The following F13A1 variants were observed in gnomAD, a reference collection of about 807,000 sequenced individuals.
F13A1 encodes the protein coagulation factor XIII A chain.
In F13A1, 47 loss-of-function variants were observed where a neutral mutation model predicts 80.1. The observed-to-expected ratio is 0.59, with a 90% confidence interval of 0.46 to 0.75. The LOEUF is 0.75. Ranked by LOEUF, F13A1 falls within the 30% of genes least tolerant of loss-of-function variation. F13A1 has a pLI of 0.00. For synonymous variants in F13A1, 349 were observed against 344.9 expected (o/e 1.01, Z -0.13); for missense variants, 817 against 930.4 (o/e 0.88, Z 1.59).
intron 14 of F13A1, 51 bp downstream of exon 14, chr6:6,151,761 AG>A: frequency 6.2e-7 from 1 of 1,612,114 alleles, no homozygotes; most frequent in East Asian, 2.2e-5. Context: ...ACACAGAGAA[AG>A]CTTCCCACAG....
chr6:6,263,375 T>A (rs934481656), intron 4 of F13A1, among the ~76,000 whole-genome samples: 4 of 152,232 alleles, frequency 2.6e-5, no homozygotes, highest in Non-Finnish European at 4.4e-5. Flanking sequence ...ATTCAACTAA[T>A]CATAGCATTA....
chr6:6,184,888 G>T (rs930485356), intron 10 of F13A1, among the ~76,000 whole-genome samples: 1 of 152,102 alleles, frequency 6.6e-6, no homozygotes, highest in African/African-American at 2.4e-5. Context: ...GGGATGTGGA[G>T]GGAAATTATT....
At chr6:6,245,751 A>G (rs982482955) in intron 6 of F13A1, among the ~76,000 whole-genome samples, 27 of 152,292 alleles carry the variant, frequency 1.8e-4, no homozygotes, top group Admixed American at 1.4e-3. Flanking sequence ...TGGTCTGCTC[A>G]TCCTCACTGT....
At chr6:6,178,053 G>T (rs966294595) in intron 11 of F13A1, among the ~76,000 whole-genome samples, 26 of 133,938 alleles carry the variant, frequency 1.9e-4, no homozygotes, top group Non-Finnish European at 3.0e-4. Context: ...GAGGGGGGGG[G>T]GGGTGGGGCT....
chr6:6,286,243 G>A (rs572469431), intron 3 of F13A1, among the ~76,000 whole-genome samples: 32 of 152,126 alleles, frequency 2.1e-4, no homozygotes, highest in Admixed American at 5.2e-4. Flanking sequence ...AAAATTAGCC[G>A]TGTGTTGTGG....
At chr6:6,281,764 C>T (rs536931570) in intron 3 of F13A1, among the ~76,000 whole-genome samples, 1 of 151,990 alleles carries the variant, frequency 6.6e-6, no homozygotes, top group African/African-American at 2.4e-5. Context: ...GAGGCCAAGG[C>T]AGGCAGATCA....
rs753688775 is a variant in F13A1, at chr6:6,195,888, G to T, written c.1217-3C>A. 1 of 1,613,920 alleles carries T rather than the reference G, an allele frequency of 6.2e-7. No homozygotes were observed. Among genetic ancestry groups the T allele is most frequent in the Non-Finnish European group, 8.5e-7 (1 of 1,179,846 alleles). On this transcript the variant is annotated splice_polypyrimidine_tract_variant and splice_region_variant and intron_variant, in intron 9 of 14. Coordinates refer to ENST00000264870, the MANE Select transcript of F13A1 (RefSeq NM_000129.4). ...GGCGGGGCCACACCGATACATGCCT[G>T]CATTGCACAGAGGAAGGGCGGTGTG...
At chr6:6,251,682 A>T (rs1486849205) in intron 4 of F13A1, among the ~76,000 whole-genome samples, 1 of 152,232 alleles carries the variant, frequency 6.6e-6, no homozygotes, top group Admixed American at 6.5e-5. Flanking sequence ...TGTTTGGGAC[A>T]GGCATCTAAG....
At chr6:6,206,659 G>GC (rs1467907926) in intron 8 of F13A1, 4 of 428,518 alleles carry the variant, frequency 9.3e-6, no homozygotes, top group African/African-American at 4.1e-5. Context: ...AAAGAGCAAT[G>GC]CCCCCTTCTT....
chr6:6,245,640 G>C (rs1218062289), intron 6 of F13A1, among the ~76,000 whole-genome samples: 1 of 152,152 alleles, frequency 6.6e-6, no homozygotes, highest in Non-Finnish European at 1.5e-5. Context: ...TGCTAGACTT[G>C]TCCTGGACCA....
chr6:6,193,562 C>T (rs1761238886), intron 10 of F13A1, among the ~76,000 whole-genome samples: 1 of 152,218 alleles, frequency 6.6e-6, no homozygotes, highest in Non-Finnish European at 1.5e-5. Context: ...CATGCCAAAG[C>T]AACAAATTGT....
intron 6 of F13A1, among the ~76,000 whole-genome samples, chr6:6,240,828 T>C (rs1237442315): frequency 6.6e-6 from 1 of 152,220 alleles, no homozygotes; most frequent in Admixed American, 6.5e-5. Flanking sequence ...GTACCTCTCA[T>C]TCATCATTGA....
intron 11 of F13A1, among the ~76,000 whole-genome samples, chr6:6,176,779 G>C (rs900524797): frequency 6.6e-6 from 1 of 152,224 alleles, no homozygotes; most frequent in African/African-American, 2.4e-5. Flanking sequence ...GATGCATTGA[G>C]GCAAAATGCA....
chr6:6,171,193 G>A (rs1760766099), intron 12 of F13A1, among the ~76,000 whole-genome samples: 1 of 152,314 alleles, frequency 6.6e-6, no homozygotes, highest in South Asian at 2.1e-4. Flanking sequence ...GGTAATGGGA[G>A]CACAAGGAAG....
intron 3 of F13A1, among the ~76,000 whole-genome samples, chr6:6,289,515 A>C (rs968389936): frequency 6.7e-6 from 1 of 149,364 alleles, no homozygotes; most frequent in Non-Finnish European, 1.5e-5. Flanking sequence ...GGGGAAAAAA[A>C]GGAGGGGAAA....
chr6:6,286,664 C>G (rs1054969258), intron 3 of F13A1, among the ~76,000 whole-genome samples: 1 of 152,136 alleles, frequency 6.6e-6, no homozygotes, highest in African/African-American at 2.4e-5. Context: ...CCTAGACGTG[C>G]ATCCACAGGA....
chr6:6,300,693 C>A (rs1214422591), intron 3 of F13A1, among the ~76,000 whole-genome samples: 1 of 152,142 alleles, frequency 6.6e-6, no homozygotes, highest in East Asian at 1.9e-4. Flanking sequence ...ATGCAGAAAT[C>A]ACTGTCTTCT....
intron 6 of F13A1, among the ~76,000 whole-genome samples, chr6:6,239,602 T>C (rs192107478): frequency 1.3e-4 from 20 of 152,254 alleles, no homozygotes; most frequent in Middle Eastern, 3.4e-3. Context: ...TCATGATAAC[T>C]ATGACCACAG....
intron 3 of F13A1, among the ~76,000 whole-genome samples, chr6:6,276,969 G>T (rs1376212959): frequency 6.6e-6 from 1 of 152,014 alleles, no homozygotes; most frequent in Non-Finnish European, 1.5e-5. Context: ...CTCTTTCTTG[G>T]CTAAGGGGAC....
Sources: gnomAD v4.1 joint callset for allele counts (sites outside exome capture counted in the v4.1 genomes callset) on GRCh38, gnomAD v4.1.1 for gene constraint, MANE v1.5 for transcripts, NCBI Gene and HGNC (gene_info 2026-07-23, HGNC 2026-07-21) for gene names.